FYB2: variants seen among roughly 807,000 people sequenced by gnomAD.
FYB2 encodes the protein FYN-binding protein 2.
FYB2 carries 103 observed loss-of-function variants against 94.1 expected under a neutral mutation model. The observed-to-expected ratio is 1.09, with a 90% CI of 0.93 to 1.29. The LOEUF (loss-of-function observed/expected upper bound fraction) is 1.29. Ranked by LOEUF, FYB2 falls within the 50% of genes most tolerant of loss-of-function variation. The pLI is 0.00. For synonymous variants in FYB2, 293 were observed against 287.9 expected (o/e 1.02, Z -0.18); for missense variants, 896 against 841.5 (o/e 1.06, Z -0.80).
At chr1:56,761,529 G>A (rs772414452) in intron 5 of FYB2, among the ~76,000 whole-genome samples, 1 of 152,076 alleles carries the variant, frequency 6.6e-6, no homozygotes, top group Non-Finnish European at 1.5e-5. Context: ...AAATTCTCTG[G>A]GGCCTAGAAG....
chr1:56,817,705 ACT>A (rs1570271670), intron 1 of FYB2, among the ~76,000 whole-genome samples: 1 of 151,714 alleles, frequency 6.6e-6, no homozygotes, highest in East Asian at 1.9e-4. Flanking sequence ...ATGAGAAACC[ACT>A]CTTATTTCTC....
chr1:56,764,724 A>G (rs188950645), intron 5 of FYB2, among the ~76,000 whole-genome samples: 241 of 152,278 alleles, frequency 1.6e-3, no homozygotes, highest in African/African-American at 5.5e-3. Context: ...TTTGGCAGAT[A>G]TATTTTTTTT....
At chr1:56,740,232 C>T (rs775988819) in intron 13 of FYB2, among the ~76,000 whole-genome samples, 3 of 152,050 alleles carry the variant, frequency 2.0e-5, no homozygotes, top group African/African-American at 7.2e-5. Flanking sequence ...TTGCAATACA[C>T]GAACTGTTCA....
At chr1:56,784,629 A>G (rs1646089998) in intron 4 of FYB2, among the ~76,000 whole-genome samples, 1 of 152,162 alleles carries the variant, frequency 6.6e-6, no homozygotes. Context: ...ATACATTAGA[A>G]TATTTTTTGT....
At chr1:56,818,637 G>A (rs1646941561) in intron 1 of FYB2, among the ~76,000 whole-genome samples, 2 of 152,162 alleles carry the variant, frequency 1.3e-5, no homozygotes, top group Admixed American at 1.3e-4. Context: ...AGCCATCCAA[G>A]GGGCAGGGAA....
chr1:56,769,242 A>C (rs200501415), intron 4 of FYB2, among the ~76,000 whole-genome samples: 1 of 151,942 alleles, frequency 6.6e-6, no homozygotes, highest in Non-Finnish European at 1.5e-5. Context: ...GCCTCGCCAT[A>C]TTGCCCAGGC....
At chr1:56,751,290 C>A in intron 8 of FYB2, 87 bp from the exon 9 acceptor site, 1 of 1,271,964 alleles carries the variant, frequency 7.9e-7, no homozygotes, top group Non-Finnish European at 1.1e-6. Flanking sequence ...TCATTCATTC[C>A]TCATGGATAA....
At chr1:56,750,276 A>G (rs1480053111) in intron 9 of FYB2, among the ~76,000 whole-genome samples, 1 of 152,098 alleles carries the variant, frequency 6.6e-6, no homozygotes, top group Non-Finnish European at 1.5e-5. Flanking sequence ...GGAAATTAGT[A>G]GTAGTATCAC....
At chr1:56,791,240 T>TA (rs1455761581) in intron 2 of FYB2, among the ~76,000 whole-genome samples, 1 of 150,988 alleles carries the variant, frequency 6.6e-6, no homozygotes, top group East Asian at 2.0e-4. Context: ...GATATGGTAG[T>TA]AAAAAACTAC....
intron 4 of FYB2, 60 bp downstream of exon 4, chr1:56,787,115 C>G: frequency 2.5e-6 from 4 of 1,569,398 alleles, no homozygotes; most frequent in Non-Finnish European, 3.5e-6. Context: ...TGCTCTGGAG[C>G]AGTCTAAGTA....
At chr1:56,817,138 C>T (rs1005184228) in intron 1 of FYB2, among the ~76,000 whole-genome samples, 2 of 152,160 alleles carry the variant, frequency 1.3e-5, no homozygotes, top group Non-Finnish European at 2.9e-5. Context: ...GGTGGCTCTC[C>T]ATTTCGCTCA....
At chr1:56,822,664 A>G (rs569242469), upstream of FYB2, among the ~76,000 whole-genome samples, 1 of 151,440 alleles carries the variant, frequency 6.6e-6, no homozygotes, top group African/African-American at 2.4e-5. Flanking sequence ...GTCTCCTATT[A>G]TGTCTCAGTC....
At chr1:56,732,461 A>G (rs1644732707) in intron 15 of FYB2, among the ~76,000 whole-genome samples, 1 of 152,172 alleles carries the variant, frequency 6.6e-6, no homozygotes, top group Non-Finnish European at 1.5e-5. Flanking sequence ...GCCTTTCTTC[A>G]CAGAAATAGA....
chr1:56,777,239 C>CAAAAAAA (rs1453236717), intron 4 of FYB2, among the ~76,000 whole-genome samples: 61 of 4,806 alleles, frequency 0.013, 12 homozygotes, highest in East Asian at 0.091. Flanking sequence ...GTCTCAAAAA[C>CAAAAAAA]AAAAAAAAAA....
At chr1:56,741,414 T>C (rs1290884385) in intron 12 of FYB2, among the ~76,000 whole-genome samples, 1 of 152,108 alleles carries the variant, frequency 6.6e-6, no homozygotes, top group Admixed American at 6.6e-5. Context: ...CTTGAAATTC[T>C]TATCATTGAT....
chr1:56,776,820 T>C (rs1291421662), intron 4 of FYB2, among the ~76,000 whole-genome samples: 1 of 152,202 alleles, frequency 6.6e-6, no homozygotes, highest in Non-Finnish European at 1.5e-5. Flanking sequence ...AACAAATCTC[T>C]GCCATTTATT....
At chr1:56,809,204 C>T (rs553990335) in intron 1 of FYB2, among the ~76,000 whole-genome samples, 1 of 152,324 alleles carries the variant, frequency 6.6e-6, no homozygotes, top group East Asian at 1.9e-4. Context: ...AAATGGGTAA[C>T]TTTAAAGGTC....
chr1:56,720,727 C>T, intron 17 of FYB2: 1 of 157,552 alleles, frequency 6.3e-6, no homozygotes, highest in South Asian at 1.9e-4. Context: ...GGTATTAAGC[C>T]CAGCATGCAT....
intron 14 of FYB2, 124 bp from the exon 15 acceptor site, chr1:56,737,271 C>T: frequency 1.7e-6 from 1 of 598,558 alleles, no homozygotes; most frequent in Non-Finnish European, 2.8e-6. Flanking sequence ...TTAGCAAAAT[C>T]TGATCATAAA....
Sources: allele counts gnomAD v4.1 joint callset (sites outside exome capture counted in the v4.1 genomes callset), GRCh38; gene constraint gnomAD v4.1.1; transcripts MANE v1.5; gene names NCBI Gene and HGNC (gene_info 2026-07-23, HGNC 2026-07-21).